SLC30A5: variants seen among roughly 807,000 people sequenced by gnomAD.
SLC30A5 encodes solute carrier family 30 member 5.
In SLC30A5, 33 loss-of-function variants were observed where a neutral mutation model predicts 79.6. The observed-to-expected ratio is 0.41, with a 90% CI of 0.31 to 0.55. The LOEUF is 0.55. SLC30A5 is among the 20% of genes least tolerant of loss of function. The pLI, the probability that SLC30A5 is intolerant of heterozygous loss-of-function variation, is 0.20. For synonymous variants in SLC30A5, 299 were observed against 319.7 expected (o/e 0.94, Z 0.69); for missense variants, 788 against 928.1 (o/e 0.85, Z 1.96).
At position 69,103,111 on chromosome 5, in the gene SLC30A5, A is replaced by G. The variant is rs1031987111; in HGVS notation, c.256A>G (p.Thr86Ala). ...LFQKPFSSGK[T>A]ITKHQWIKIF... ...TCAAAAGCCATTTTCTTCTGGGAAA[A>G]CTATTACCAAACACCAGGTAAGATT... Residue 86 changes from threonine (T) to alanine (A), a missense_variant, in exon 3 of 16, where the codon ACT becomes GCT. Physicochemically the swap from Thr to Ala is moderately conservative, Grantham distance 58. Transcript: ENST00000396591. 2 of 1,591,646 alleles carry G rather than the reference A, an allele frequency of 1.3e-6. No homozygotes were observed. Among genetic ancestry groups the G allele is most frequent in the African/African-American group, 2.7e-5 (2 of 74,452 alleles).
chr5:69,098,530 T>C (rs1745812502), intron 1 of SLC30A5, among the ~76,000 whole-genome samples: 1 of 152,234 alleles, frequency 6.6e-6, no homozygotes, highest in Admixed American at 6.5e-5. Context: ...AACCTGCCTC[T>C]TGGGCTTTGC....
Position 69,116,468 on chromosome 5 carries a change from C to T in SLC30A5, c.1147C>T (p.Pro383Ser). Residue 383 changes from proline to serine, a missense_variant, in exon 10 of 16, where the codon CCT (proline) becomes TCT (serine). Around this residue, in one of 3 missense-constraint regions of SLC30A5, gnomAD observed 626 missense variants for 755.5 expected, o/e 0.83. Coordinates refer to ENST00000396591, the MANE Select transcript of SLC30A5 (RefSeq NM_022902.5). This position sits in a 1 kb window ranked among gnomAD's most constrained non-coding sequence, Gnocchi z 4.0. Reference protein sequence around the residue: ...TLIGYSPEGTPLYNFMGDAFQ... With the variant: ...TLIGYSPEGTSLYNFMGDAFQ... The stretch of plus-strand genomic sequence containing the variant: ...TATTGGATATTCTCCTGAAGGAACA[C>T]CTCTTTATAACTTCATGGGTGATGC... The T allele has an allele frequency of 6.2e-7, 1 of 1,612,946 alleles. No individual in the cohort carries two copies.
intron 14 of SLC30A5, among the ~76,000 whole-genome samples, chr5:69,127,473 C>CAAAA (rs70989993): frequency 7.7e-5 from 6 of 77,894 alleles, no homozygotes; most frequent in East Asian, 7.8e-4. Context: ...TACTAAAATA[C>CAAAA]AAAAAAAAAA....
At chr5:69,100,996 A>G in intron 2 of SLC30A5, 67 bp downstream of exon 2, 2 of 1,436,316 alleles carry the variant, frequency 1.4e-6, no homozygotes, top group Non-Finnish European at 9.4e-7. Context: ...TTAACAGAGT[A>G]TCTTTAAGAA....
At chr5:69,107,949 T>A (rs1008787163) in intron 4 of SLC30A5, among the ~76,000 whole-genome samples, 1 of 152,202 alleles carries the variant, frequency 6.6e-6, no homozygotes, top group African/African-American at 2.4e-5. Context: ...GCCAGAGTGG[T>A]CTCGATCTTT....
In SLC30A5 at chr5:69,103,244, A is replaced by C. The variant is rs1446173475; in HGVS notation, c.273+116A>C. 4.5e-5 allele frequency: 27 copies of C among 597,500 alleles called. 1 individual carries two copies. The highest frequency in any genetic ancestry group is 8.2e-5 in the Non-Finnish European group (27 of 330,428). 37.0% of individuals were successfully genotyped at this position (597,500 alleles called of 1,614,324 possible). A position where few individuals can be genotyped will look rare whatever the true frequency, so the allele number is the denominator to read the frequency against. ...AATGATTTAAGTATGCCACAGAACA[A>C]TTTTAGAGTTAACTTGCTCTTGTCT... On this transcript the variant is annotated intron_variant, in intron 3 of 15. Coordinates refer to ENST00000396591, the MANE Select transcript of SLC30A5 (RefSeq NM_022902.5).
intron 14 of SLC30A5, among the ~76,000 whole-genome samples, chr5:69,127,744 C>A (rs1308389706): frequency 6.6e-6 from 1 of 152,110 alleles, no homozygotes; most frequent in East Asian, 1.9e-4. Context: ...TTTTTTTCCC[C>A]CACACATCTG....
chr5:69,096,794 C>G (rs1745743377), intron 1 of SLC30A5, among the ~76,000 whole-genome samples: 1 of 152,002 alleles, frequency 6.6e-6, no homozygotes, highest in South Asian at 2.1e-4. Flanking sequence ...AGACCCCTGT[C>G]TCTACAAAAT....
chr5:69,118,221 A>G (rs1746430103), intron 11 of SLC30A5, among the ~76,000 whole-genome samples: 1 of 149,420 alleles, frequency 6.7e-6, no homozygotes, highest in Non-Finnish European at 1.5e-5. Flanking sequence ...TGATGAATAT[A>G]TAACATTTTA....
intron 4 of SLC30A5, among the ~76,000 whole-genome samples, chr5:69,107,868 G>C (rs970084636): frequency 6.6e-6 from 1 of 152,098 alleles, no homozygotes; most frequent in African/African-American, 2.4e-5. Context: ...GAGTAGCTGG[G>C]ATTACAGGCA....
In SLC30A5 at chr5:69,115,311, C is replaced by CGACGTTGGTGGA; in HGVS notation, c.689_700dup (p.Asp230_Gly233dup). Reference sequence around the variant, plus strand: ...ATACAGCTTCCAGAAAGCTCTCTGTCGACGTTGGTGGAGCTAAACGTCTTC... The same window carrying CGACGTTGGTGGA: ...ATACAGCTTCCAGAAAGCTCTCTGTCGACGTTGGTGGAGACGTTGGTGGAGCTAAACGTCTTC... On this transcript the variant is annotated inframe_insertion, in exon 8 of 16. Transcript: ENST00000396591. 1 of 1,613,900 alleles carries CGACGTTGGTGGA rather than the reference C, an allele frequency of 6.2e-7. No homozygotes were observed. Among genetic ancestry groups the CGACGTTGGTGGA allele is most frequent in the Non-Finnish European group, 8.5e-7 (1 of 1,179,870 alleles).
In SLC30A5 at chr5:69,094,238, C is replaced by T; in HGVS notation, c.-18C>T. The T allele has an allele frequency of 8.4e-7, 1 of 1,196,646 alleles. No homozygotes were observed. The highest frequency in any genetic ancestry group is 1.1e-6 in the Non-Finnish European group (1 of 938,774). 74.1% of individuals were successfully genotyped at this position (1,196,646 alleles called of 1,614,324 possible). ...GACCCCGCGACAGGGGCAGCGGCGG[C>T]GGCTCGTGAGCCCCGGGATGGAGGA... On this transcript the variant is annotated 5_prime_UTR_variant, in exon 1 of 16. Transcript: ENST00000396591.
chr5:69,113,123 GTTTTC>G lies in SLC30A5; in HGVS notation c.448-13_448-9del. 1 of 1,603,800 alleles carries G rather than the reference GTTTTC, an allele frequency of 6.2e-7. No individual in the cohort carries two copies. Among genetic ancestry groups the G allele is most frequent in the Non-Finnish European group, 8.5e-7 (1 of 1,173,884 alleles). ...CCTTGAAAAAGTCATCCTTGATGTT[GTTTTC>G]TTTATTTTCAGACAAGGGGAGCTGC... On this transcript the variant is annotated splice_polypyrimidine_tract_variant and intron_variant, in intron 5 of 15. Coordinates refer to ENST00000396591, the MANE Select transcript of SLC30A5 (RefSeq NM_022902.5).
In SLC30A5 at chr5:69,107,005, C is replaced by T. The variant is rs539473927; in HGVS notation, c.360-1344C>T. ...TCAGCCTCACCAGTAGCTGGGACTA[C>T]AGGTGCCTACCACCACACCTGGCTA... is the stretch of plus-strand genomic sequence containing the variant. On this transcript the variant is annotated intron_variant, in intron 4 of 15. Transcript: ENST00000396591. Among the ~76,000 whole-genome samples the T allele has an allele frequency of 3.9e-5, 6 of 152,124 alleles. No individual in the cohort carries two copies. In the South Asian group the frequency reaches 6.2e-4, roughly 16 times the overall value.
rs188223872 is a variant in SLC30A5 at position 69,118,620 on chromosome 5, A to G, written c.1561A>G (p.Met521Val). ...TGATCCTCCAGAATTAGACACTCAC[A>G]TGTTAACAGTAAGTCTTTTTATTTT... ...LIDPPELDTH[M>V]LTPVSVGGLI... The change falls in exon 12 of 16, where the codon ATG becomes GTG. Residue 521 changes from methionine (M) to valine (V), a missense_variant. Physicochemically the swap from Met to Val is conservative, Grantham distance 21. Coordinates refer to ENST00000396591, the MANE Select transcript of SLC30A5 (RefSeq NM_022902.5). The G allele has an allele frequency of 6.3e-7, 1 of 1,580,544 alleles. No homozygotes were observed. Among genetic ancestry groups the G allele is most frequent in the Non-Finnish European group, 8.6e-7 (1 of 1,167,046 alleles).
chr5:69,113,220 T>C lies in SLC30A5; in HGVS notation c.528T>C (p.Ala176=), dbSNP rs764296616. 1 of 1,612,794 alleles carries C rather than the reference T, an allele frequency of 6.2e-7. No individual in the cohort carries two copies. Among genetic ancestry groups the C allele is most frequent in the South Asian group, 1.1e-5 (1 of 90,938 alleles). The change falls in exon 6 of 16, where the codon GCT becomes GCC. Residue 176 remains alanine, a synonymous_variant. Coordinates refer to ENST00000396591, the MANE Select transcript of SLC30A5 (RefSeq NM_022902.5). The stretch of plus-strand genomic sequence containing the variant: ...ATGATGATCTCATGGCTAAAATGGC[T>C]GAACACCGTATCCTTTTGGAATAGA... ...FDNDDLMAKM[A]EHPEGHHDSA...
chr5:69,129,980 C>G lies in SLC30A5; in HGVS notation c.*363C>G, dbSNP rs555563378. 1 of 155,702 alleles carries G rather than the reference C, an allele frequency of 6.4e-6. No individual in the cohort carries two copies. The allele number at this position is 155,702 out of a possible 1,614,324, so 9.6% of individuals were successfully genotyped here. A position where few individuals can be genotyped will look rare whatever the true frequency, so the allele number is the denominator to read the frequency against. On this transcript the variant is annotated 3_prime_UTR_variant, in exon 16 of 16. Coordinates refer to ENST00000396591, the MANE Select transcript of SLC30A5 (RefSeq NM_022902.5). Reference sequence around the variant, plus strand: ...TATTTACATGTTTATTACAAAGACCCAAATGAAAAATTTTTAGTCCATTTT... The same window carrying G: ...TATTTACATGTTTATTACAAAGACCGAAATGAAAAATTTTTAGTCCATTTT...
rs759110321 is a variant in SLC30A5 at position 69,103,043 on chromosome 5, A to G, written c.207-19A>G. ...TAATATGGATTAATATTAATATATTAATGTTTCAATATTTACAGGACTGCA... is the reference window on the plus strand; with the variant it reads ...TAATATGGATTAATATTAATATATTGATGTTTCAATATTTACAGGACTGCA... On this transcript the variant is annotated intron_variant, in intron 2 of 15. Transcript: ENST00000396591. The G allele has an allele frequency of 7.9e-7, 1 of 1,265,774 alleles. No homozygotes were observed. Among genetic ancestry groups the G allele is most frequent in the Non-Finnish European group, 1.1e-6 (1 of 880,366 alleles). The allele number at this position is 1,265,774 out of a possible 1,614,324, so 78.4% of individuals were successfully genotyped here. A position where few individuals can be genotyped will look rare whatever the true frequency, so the allele number is the denominator to read the frequency against.
rs114213718 is a variant in SLC30A5 at position 69,127,319 on chromosome 5, C to G, written c.1999-685C>G. 3.5e-3 allele frequency among the ~76,000 whole-genome samples: 537 copies of G among 151,772 alleles called. 7 individuals are homozygous for G. Among genetic ancestry groups the G allele is most frequent in the African/African-American group, 0.012 (494 of 41,350 alleles). Reference sequence around the variant, plus strand: ...TAAGGGTACTGCTATTGATAAGAGCCCATTTTAGGTATAAAGATAACTGTA... The same window carrying G: ...TAAGGGTACTGCTATTGATAAGAGCGCATTTTAGGTATAAAGATAACTGTA... On this transcript the variant is annotated intron_variant, in intron 14 of 15. Transcript: ENST00000396591.
Sources: gnomAD v4.1 joint callset for allele counts (sites outside exome capture counted in the v4.1 genomes callset) on GRCh38, gnomAD v4.1.1 for gene constraint, gnomAD v4.1.1 regional missense constraint, Gnocchi (gnomAD v3.1) non-coding constraint, MANE v1.5 for transcripts, NCBI Gene and HGNC (gene_info 2026-07-23, HGNC 2026-07-21) for gene names.